The following DGKI variants were observed in gnomAD, a reference collection of about 807,000 sequenced individuals.
DGKI encodes the protein diacylglycerol kinase iota, also known as DAG kinase iota.
A neutral mutation model predicts 147.5 loss-of-function variants in DGKI; 55 were observed. The ratio of observed to expected loss-of-function variants is 0.37; its 90% confidence interval spans 0.30 to 0.47. The LOEUF (loss-of-function observed/expected upper bound fraction) is 0.47, where lower values mean the gene tolerates loss of function less well. Among genes scored for constraint, DGKI ranks in the 20% least tolerant of loss-of-function variants. The pLI, the probability that DGKI is intolerant of heterozygous loss-of-function variation, is 1.00. For synonymous variants in DGKI, 469 were observed against 477.1 expected, an observed-to-expected ratio of 0.98 and a Z score of 0.22; for missense variants, 1,007 against 1,323.8, an observed-to-expected ratio of 0.76 and a Z score of 3.71.
intron 2 of DGKI, among the ~76,000 whole-genome samples, chr7:137,685,418 CT>C: frequency 6.6e-6 from 1 of 152,310 alleles, no homozygotes; most frequent in African/African-American, 2.4e-5. Flanking sequence ...GGGAGACACA[CT>C]TCCTGGGCTC....
chr7:137,423,502 A>T (rs1481593531), intron 28 of DGKI, among the ~76,000 whole-genome samples: 1 of 152,248 alleles, frequency 6.6e-6, no homozygotes, highest in Non-Finnish European at 1.5e-5. Context: ...CCAAACATCA[A>T]GACTGTTTGG....
At chr7:137,549,507 G>A (rs1396669930) in intron 20 of DGKI, among the ~76,000 whole-genome samples, 4 of 152,170 alleles carry the variant, frequency 2.6e-5, no homozygotes, top group Non-Finnish European at 4.4e-5. Context: ...CACACACAGA[G>A]GTTTTTAAGC....
At chr7:137,578,436 T>C in intron 15 of DGKI, 111 bp from the exon 16 acceptor site, 1 of 747,246 alleles carries the variant, frequency 1.3e-6, no homozygotes, top group Admixed American at 2.1e-5. Flanking sequence ...ATCCAATAGA[T>C]CCCATGGTTT....
At chr7:137,762,561 G>A (rs561210346) in intron 1 of DGKI, among the ~76,000 whole-genome samples, 2 of 152,258 alleles carry the variant, frequency 1.3e-5, no homozygotes, top group South Asian at 4.1e-4. Flanking sequence ...CCAGGTCCTG[G>A]TTATGACATC....
chr7:137,638,591 TATAC>T (rs1191395478), intron 6 of DGKI, among the ~76,000 whole-genome samples: 18 of 63,058 alleles, frequency 2.9e-4, no homozygotes, highest in African/African-American at 1.0e-3. Context: ...TATACACATA[TATAC>T]ATATATGTAT....
At chr7:137,626,983 C>T (rs1215338778) in intron 6 of DGKI, among the ~76,000 whole-genome samples, 1 of 152,190 alleles carries the variant, frequency 6.6e-6, no homozygotes, top group African/African-American at 2.4e-5. Flanking sequence ...ATCTTCCCAC[C>T]AATTTTCTGA....
chr7:137,653,009 G>A (rs1471098833), intron 5 of DGKI, among the ~76,000 whole-genome samples: 1 of 152,118 alleles, frequency 6.6e-6, no homozygotes, highest in Admixed American at 6.5e-5. Flanking sequence ...GGACAACAGG[G>A]ATACCTCACA....
In DGKI at chr7:137,846,476, C is replaced by T. The variant is rs776023428; in HGVS notation, c.387G>A (p.Lys129=). 6.3e-7 allele frequency: 1 copy of T among 1,593,912 alleles called. No individual in the cohort carries two copies. The highest frequency in any genetic ancestry group is 8.5e-7 in the Non-Finnish European group (1 of 1,171,368). ...EEKLRNLTFR[K]QVSYRKAISR... is the part of the protein sequence containing the mutation. ...CCCGCACCTACCTGTACGAGACCTG[C>T]TTCCGGAAAGTTAAGTTCCTCAGCT... The change falls in exon 1 of 33, where the codon AAG becomes AAA. Residue 129 remains lysine, a synonymous_variant. Coordinates refer to ENST00000614521, the MANE Select transcript of DGKI (RefSeq NM_001321708.2). This position sits in a 1 kb window ranked among gnomAD's most constrained non-coding sequence, Gnocchi z 4.0.
chr7:137,591,418 A>G (rs950338001), intron 12 of DGKI, among the ~76,000 whole-genome samples: 6 of 152,108 alleles, frequency 3.9e-5, no homozygotes, highest in African/African-American at 7.2e-5. Flanking sequence ...CAGACAACCA[A>G]TATTAGGCTA....
At chr7:137,614,695 T>A (rs1820472690) in intron 8 of DGKI, among the ~76,000 whole-genome samples, 1 of 152,112 alleles carries the variant, frequency 6.6e-6, no homozygotes, top group Admixed American at 6.6e-5. Context: ...CAGCCCTCAC[T>A]CCCTTTAGCA....
Position 137,590,095 on chromosome 7 carries a change from G to A in DGKI, c.1312-2885C>T, listed in dbSNP as rs184735670. Among the ~76,000 whole-genome samples, 106 of 152,268 alleles carry A rather than the reference G, an allele frequency of 7.0e-4. 2 individuals carry two copies. The Middle Eastern group carries it at 0.014, about 20-fold the overall frequency. ...AAAAAAATACAAAGTGGCAGAGCTG[G>A]GGTAAAGGCTTGGATCAGCTTGGCT... is the stretch of plus-strand genomic sequence containing the variant. On this transcript the variant is annotated intron_variant, in intron 12 of 32. Coordinates refer to ENST00000614521, the MANE Select transcript of DGKI (RefSeq NM_001321708.2).
At chr7:137,577,816 C>T (rs1339279690) in intron 16 of DGKI, among the ~76,000 whole-genome samples, 1 of 152,202 alleles carries the variant, frequency 6.6e-6, no homozygotes, top group East Asian at 1.9e-4. Context: ...AAAGAAGGCA[C>T]TCCCTTTAAC....
At chr7:137,677,340 G>A (rs1311820025) in intron 3 of DGKI, among the ~76,000 whole-genome samples, 1 of 152,176 alleles carries the variant, frequency 6.6e-6, no homozygotes. Context: ...AGTTCTCAAT[G>A]TCACACACTG....
At chr7:137,593,686 T>C (rs965932957) in intron 12 of DGKI, among the ~76,000 whole-genome samples, 4 of 152,216 alleles carry the variant, frequency 2.6e-5, no homozygotes, top group Non-Finnish European at 5.9e-5. Context: ...ACTGTACAAA[T>C]AGAACATAAA....
At chr7:137,686,413 G>A (rs1193412830) in intron 2 of DGKI, among the ~76,000 whole-genome samples, 1 of 152,184 alleles carries the variant, frequency 6.6e-6, no homozygotes, top group Non-Finnish European at 1.5e-5. Flanking sequence ...TCCCTGACAT[G>A]CACGGAGGAA....
intron 1 of DGKI, among the ~76,000 whole-genome samples, chr7:137,754,256 T>C (rs1795611871): frequency 6.6e-6 from 1 of 152,086 alleles, no homozygotes; most frequent in Non-Finnish European, 1.5e-5. Flanking sequence ...AGGAAGAGTA[T>C]CAGCCTCTGC....
intron 30 of DGKI, among the ~76,000 whole-genome samples, chr7:137,397,938 G>C (rs549225040): frequency 2.6e-5 from 4 of 152,140 alleles, no homozygotes; most frequent in Non-Finnish European, 4.4e-5. Context: ...TGCATCCTTA[G>C]GAATGGAAAT....
chr7:137,732,537 G>A (rs188930608), intron 1 of DGKI, among the ~76,000 whole-genome samples: 9 of 152,148 alleles, frequency 5.9e-5, no homozygotes, highest in African/African-American at 2.2e-4. Context: ...GTTTGGCACA[G>A]CTTAGTCTTA....
chr7:137,552,421 C>A lies in DGKI; in HGVS notation c.2095G>T (p.Ala699Ser), dbSNP rs1229298322. Residue 699 changes from alanine (A) to serine (S), a missense_variant, in exon 20 of 33, where the codon GCC becomes TCC. Ala to Ser is a moderately conservative substitution (Grantham distance 99). Around this residue, in one of 5 missense-constraint regions of DGKI, gnomAD observed 224 missense variants for 382.7 expected, o/e 0.59. Transcript: ENST00000614521. ...AMIRISLRNQ[A>S]NMVQKSKRRT... ...CTCTTGCTCTTCTGTACCATGTTGG[C>A]CTGATTCCTCAGGGAGATCCGAATC... 1.2e-6 allele frequency: 2 copies of A among 1,613,884 alleles called. No individual in the cohort carries two copies. The highest frequency in any genetic ancestry group is 1.7e-6 in the Non-Finnish European group (2 of 1,180,040).
Sources: gnomAD v4.1 joint callset for allele counts (sites outside exome capture counted in the v4.1 genomes callset) on GRCh38, gnomAD v4.1.1 for gene constraint, gnomAD v4.1.1 regional missense constraint, Gnocchi (gnomAD v3.1) non-coding constraint, MANE v1.5 for transcripts, NCBI Gene and HGNC (gene_info 2026-07-23, HGNC 2026-07-21) for gene names.